The following NBPF20 variants were observed in gnomAD, a reference collection of about 807,000 sequenced individuals.
NBPF20 encodes the protein NBPF family member NBPF20.
Under a neutral mutation model 68.1 loss-of-function variants are expected in NBPF20, and 90 were observed. That is an observed-to-expected ratio of 1.32 (90% CI 1.11 to 1.58). The LOEUF is 1.58. NBPF20 is among the 40% of genes most tolerant of loss of function. The probability of loss-of-function intolerance (pLI) is 0.00; values close to 1 mark genes in which losing one functional copy is unlikely to be tolerated. For synonymous variants in NBPF20, 290 were observed against 228.1 expected, an observed-to-expected ratio of 1.27 and a Z score of -2.45; for missense variants, 816 against 601.2, an observed-to-expected ratio of 1.36 and a Z score of -3.74.
the NBPF20 span, among the ~76,000 whole-genome samples, chr1:145,421,752 C>T: frequency 1.3e-5 from 2 of 152,260 alleles, no homozygotes; most frequent in African/African-American, 4.8e-5. Context: ...ATTATTAAAA[C>T]TAAAATGGCC....
chr1:145,398,042 C>T (rs1425767589), intron 7 of NBPF20, among the ~76,000 whole-genome samples: 4 of 152,142 alleles, frequency 2.6e-5, no homozygotes, highest in Admixed American at 6.5e-5. Context: ...CTATCCTAAA[C>T]ATATATGCAC....
At chr1:145,398,802 A>T (rs1204059003) in intron 7 of NBPF20, among the ~76,000 whole-genome samples, 1 of 151,362 alleles carries the variant, frequency 6.6e-6, no homozygotes, top group Non-Finnish European at 1.5e-5. Context: ...TTTTTTGAAA[A>T]GATCAACAAG....
At chr1:145,400,290 T>C in intron 6 of NBPF20, 99 bp downstream of exon 11, 2 of 1,596,198 alleles carry the variant, frequency 1.3e-6, no homozygotes, top group South Asian at 2.2e-5. Flanking sequence ...CCCATCACAG[T>C]TTTTTATTCA....
intron 3 of NBPF20, 65 bp downstream of exon 8, chr1:145,403,151 C>A (rs1553665879): frequency 8.8e-6 from 14 of 1,593,970 alleles, no homozygotes; most frequent in Non-Finnish European, 1.2e-5. Context: ...GTCTCCCCAC[C>A]GAGCTGCTGT....
chr1:145,402,894 G>A (rs1468455973), intron 3 of NBPF20, among the ~76,000 whole-genome samples: 1 of 151,190 alleles, frequency 6.6e-6, no homozygotes, highest in Admixed American at 6.6e-5. Flanking sequence ...GGGTAAGTGG[G>A]GTGGTGATGG....
rs1191051417 is a variant in NBPF20, at chr1:145,393,867, C to G, written c.1043+17G>C. On this transcript the variant is annotated intron_variant, in intron 9 of 137. Coordinates refer to ENST00000369373, the Ensembl canonical transcript of NBPF20. ...GTGTCAACATCAAATTAACTCTCCA[C>G]AATTTCTCAGACTCACCTGGGACCT... The G allele has an allele frequency of 1.0e-4, 154 of 1,545,722 alleles. No homozygotes were observed. The Middle Eastern group carries it at 4.1e-3, about 41-fold the overall frequency.
At chr1:145,413,369 TTCATAGCAGTTTTATTC>T in the NBPF20 span, among the ~76,000 whole-genome samples, 3 of 149,984 alleles carry the variant, frequency 2.0e-5, no homozygotes, top group Admixed American at 6.6e-5. Context: ...TACAAGAATG[TTCATAGCAGTTTTATTC>T]ATAATAGGAA....
exon 3 of NBPF20, chr1:145,403,254 C>A (rs1188012740): frequency 2.5e-6 from 4 of 1,612,474 alleles, no homozygotes; most frequent in Non-Finnish European, 1.7e-6. Context: ...CTGCAAGCTT[C>A]TCCTCCTTGA....
At chr1:145,416,900 A>G in the NBPF20 span, among the ~76,000 whole-genome samples, 1 of 151,234 alleles carries the variant, frequency 6.6e-6, no homozygotes, top group South Asian at 2.1e-4. Context: ...TTGACAGATT[A>G]CTAGAAGCTG....
chr1:145,393,275 A>T (rs1662002486), intron 9 of NBPF20, 29 bp from the exon 15 acceptor site: 1 of 660,850 alleles, frequency 1.5e-6, no homozygotes, highest in Non-Finnish European at 2.7e-6. Flanking sequence ...GTAAAGAATA[A>T]GCCAGGGGGA....
At chr1:145,402,324 C>T in exon 4 of NBPF20, 3 of 1,608,894 alleles carry the variant, frequency 1.9e-6, no homozygotes, top group East Asian at 4.5e-5. Context: ...CTTCCCGCAA[C>T]TTCTCCCTTA....
In NBPF20 at chr1:145,291,753, T is replaced by C. The variant is rs587735662; in HGVS notation, c.16714A>G (p.Met5572Val). 371 of 1,611,714 alleles carry C rather than the reference T, an allele frequency of 2.3e-4. 3 individuals carry two copies. The South Asian group carries it at 3.6e-3, about 16-fold the overall frequency. Residue 5572 changes from methionine (M) to valine (V), a missense_variant, in exon 138 of 138, where the codon ATG (methionine) becomes GTG (valine). By Grantham distance (21) the Met-to-Val change is conservative. Transcript: ENST00000369373. ...AAGACTTCAGGCTCTTCCACTTCCA[T>C]CAGCACGCCGTTGAGCCTGGAAAAG...
chr1:145,408,482 A>G (rs1553668287), upstream of NBPF20, among the ~76,000 whole-genome samples: 2 of 152,080 alleles, frequency 1.3e-5, no homozygotes, highest in Non-Finnish European at 2.9e-5. Flanking sequence ...TGATATATTT[A>G]TGAATACTTA....
chr1:145,399,945 A>C (rs1662436058), intron 6 of NBPF20, among the ~76,000 whole-genome samples: 1 of 152,102 alleles, frequency 6.6e-6, no homozygotes, highest in Non-Finnish European at 1.5e-5. Flanking sequence ...GCAGCTAAGC[A>C]AGCTGACTTA....
At chr1:145,292,301 C>CG in intron 137 of NBPF20, 80 bp downstream of exon 142, 1 of 617,528 alleles carries the variant, frequency 1.6e-6, no homozygotes, top group Admixed American at 2.7e-5. Context: ...AACATGACAT[C>CG]AAACACACTC....
the NBPF20 span, among the ~76,000 whole-genome samples, chr1:145,422,859 C>T: frequency 6.6e-6 from 1 of 150,766 alleles, no homozygotes. Context: ...CATGGTGGCA[C>T]ACTCCTATAG....
In NBPF20 at chr1:145,311,104, C is replaced by T. The variant is rs1409364241; in HGVS notation, c.13713-274G>A. 6.9e-3 allele frequency among the ~76,000 whole-genome samples: 428 copies of T among 62,474 alleles called. 48 individuals carry two copies. Among genetic ancestry groups the T allele is most frequent in the African/African-American group, 0.025 (243 of 9,804 alleles). The allele number at this position is 62,474 out of a possible 152,430, so 41.0% of individuals were successfully genotyped here. A position where few individuals can be genotyped will look rare whatever the true frequency, so the allele number is the denominator to read the frequency against. On this transcript the variant is annotated intron_variant, in intron 113 of 137. Coordinates refer to ENST00000369373, the Ensembl canonical transcript of NBPF20. Reference sequence around the variant, plus strand: ...CCGGGTGACACACTGATGAAGGGGTCAAAGGACACTCTGAGTTAGTGCCCT... The same window carrying T: ...CCGGGTGACACACTGATGAAGGGGTTAAAGGACACTCTGAGTTAGTGCCCT...
chr1:145,378,187 C>A, intron 28 of NBPF20, 93 bp from the exon 34 acceptor site: 1 of 63,492 alleles, frequency 1.6e-5, no homozygotes, highest in Non-Finnish European at 2.7e-5. Flanking sequence ...GGACTTCAGG[C>A]TCCTCAGCAT....
At chr1:145,409,576 G>A (rs1264444230), upstream of NBPF20, among the ~76,000 whole-genome samples, 4 of 144,936 alleles carry the variant, frequency 2.8e-5, no homozygotes, top group Admixed American at 6.9e-5. Context: ...AGTATTAAAC[G>A]AGTTTTATTG....
Sources: gnomAD v4.1 joint callset for allele counts (sites outside exome capture counted in the v4.1 genomes callset) on GRCh38, gnomAD v4.1.1 for gene constraint, MANE v1.5 for transcripts, NCBI Gene and HGNC (gene_info 2026-07-23, HGNC 2026-07-21) for gene names.